The following ZNF517 variants were observed in gnomAD, a reference collection of about 807,000 sequenced individuals.
The protein encoded by ZNF517 is zinc finger protein 517.
In ZNF517, 12 loss-of-function variants were observed where a neutral mutation model predicts 12.1. The ratio of observed to expected loss-of-function variants is 0.99; its 90% CI spans 0.63 to 1.61. ZNF517 has a LOEUF of 1.61. ZNF517 is among the 40% of genes most tolerant of loss of function. ZNF517 has a pLI of 0.00. For synonymous variants in ZNF517, 388 were observed against 310.2 expected, an observed-to-expected ratio of 1.25 and a Z score of -2.63; for missense variants, 781 against 693.2, an observed-to-expected ratio of 1.13 and a Z score of -1.42.
chr8:144,804,271 T>G (rs762253364), intron 4 of ZNF517, 33 bp downstream of exon 4: 12 of 1,571,718 alleles, frequency 7.6e-6, no homozygotes, highest in Non-Finnish European at 1.7e-6. Context: ...GCGTGTCCTG[T>G]GCTGCCAATG....
downstream of ZNF517, among the ~76,000 whole-genome samples, chr8:144,812,937 T>TTCTACATACCTAGCTATTTG (rs1293451556): frequency 6.6e-6 from 1 of 152,026 alleles, no homozygotes; most frequent in Non-Finnish European, 1.5e-5. Flanking sequence ...CCAGTAACAT[T>TTCTACATACCTAGCTATTTG]TCTACATACC....
chr8:144,806,883 G>C (rs1827249093), intron 4 of ZNF517, among the ~76,000 whole-genome samples: 2 of 152,070 alleles, frequency 1.3e-5, no homozygotes, highest in South Asian at 4.1e-4. Context: ...TCATTTCACA[G>C]TGTAGATGTT....
downstream of ZNF517, chr8:144,810,784 G>A (rs185173609): frequency 2.1e-4 from 33 of 154,382 alleles, no homozygotes; most frequent in Middle Eastern, 2.3e-3. Context: ...CTTCCTTTGG[G>A]GATCCAGGGT....
chr8:144,812,667 T>TA (rs1400383204), downstream of ZNF517, among the ~76,000 whole-genome samples: 1 of 152,222 alleles, frequency 6.6e-6, no homozygotes, highest in Non-Finnish European at 1.5e-5. Flanking sequence ...TTCTTCCTGT[T>TA]ACATGGATCT....
At position 144,808,128 on chromosome 8, in the gene ZNF517, C is replaced by T. The variant is rs1563811335; in HGVS notation, c.1212C>T (p.Ala404=). The T allele has an allele frequency of 1.2e-6, 2 of 1,612,186 alleles. No homozygotes were observed. Among genetic ancestry groups the T allele is most frequent in the Non-Finnish European group, 1.7e-6 (2 of 1,179,530 alleles). The part of the protein sequence containing the change: ...KPFECAECGK[A]FGRKSNLTLH... The stretch of plus-strand genomic sequence containing the variant: ...TCGAGTGCGCGGAGTGCGGCAAGGC[C>T]TTCGGTCGCAAGTCCAACCTCACTC... The change falls in exon 5 of 5, where the codon GCC becomes GCT. Residue 404 remains alanine (A), a synonymous_variant. Transcript: ENST00000359971.
rs1208112283 is a variant in ZNF517, at chr8:144,808,603, CTA to C, written c.*210_*211del. On this transcript the variant is annotated 3_prime_UTR_variant, in exon 5 of 5. Coordinates refer to ENST00000359971, the MANE Select transcript of ZNF517 (RefSeq NM_213605.3). ...GCCCGTGGTGTGGCCTCAGGAACCA[CTA>C]TCAGCCACCATTTCCTGGGGCCTTC... The C allele has an allele frequency of 1.7e-6, 1 of 590,344 alleles. No individual in the cohort carries two copies. The highest frequency in any genetic ancestry group is 1.9e-5 in the African/African-American group (1 of 51,608). The allele number at this position is 590,344 out of a possible 1,614,324, so 36.6% of individuals were successfully genotyped here. A position where few individuals can be genotyped will look rare whatever the true frequency, so the allele number is the denominator to read the frequency against.
At position 144,810,031 on chromosome 8, in the gene ZNF517, T is replaced by G. The variant is rs1183474262; in HGVS notation, c.*1636T>G. 5 of 467,572 alleles carry G rather than the reference T, an allele frequency of 1.1e-5. No individual in the cohort carries two copies. The highest frequency in any genetic ancestry group is 1.6e-5 in the Non-Finnish European group (4 of 256,568). The allele number at this position is 467,572 out of a possible 1,614,324, so 29.0% of individuals were successfully genotyped here. On this transcript the variant is annotated 3_prime_UTR_variant, in exon 5 of 5. Coordinates refer to ENST00000359971, the MANE Select transcript of ZNF517 (RefSeq NM_213605.3). The stretch of plus-strand genomic sequence containing the variant: ...TCGAGCCACTGCACTCCAGCCTGGG[T>G]GACAGGGCAAGACTCTGTCTCAAAC...
rs1827387047 is a variant in ZNF517 at position 144,808,238 on chromosome 8, A to G, written c.1322A>G (p.Glu441Gly). 6.2e-7 allele frequency: 1 copy of G among 1,601,714 alleles called. No individual in the cohort carries two copies. The highest frequency in any genetic ancestry group is 2.2e-5 in the East Asian group (1 of 44,594). Residue 441 changes from glutamate (E) to glycine (G), a missense_variant, in exon 5 of 5, where the codon GAG becomes GGG. By Grantham distance (98) the Glu-to-Gly change is moderately conservative. Coordinates refer to ENST00000359971, the MANE Select transcript of ZNF517 (RefSeq NM_213605.3). ...KAFRRSYTLN[E>G]HYRLHSGERP... is the part of the protein sequence containing the mutation. Reference sequence around the variant, plus strand: ...TTCCGCAGGAGCTACACGCTGAACGAGCACTACCGGCTCCACAGCGGCGAG... The same window carrying G: ...TTCCGCAGGAGCTACACGCTGAACGGGCACTACCGGCTCCACAGCGGCGAG...
At chr8:144,800,752 C>T (rs967385994) in intron 1 of ZNF517, 31 of 948,760 alleles carry the variant, frequency 3.3e-5, no homozygotes, top group African/African-American at 1.9e-4. Context: ...CATCGCCCTT[C>T]GTACCCTAAC....
In ZNF517 at chr8:144,808,332, G is replaced by T; in HGVS notation, c.1416G>T (p.Lys472Asn). ...SRLSTLIQHQ[K>N]VHGREPGEDT... ...TGTCCACCCTCATCCAGCACCAGAA[G>T]GTGCACGGCCGCGAGCCCGGGGAGG... is the stretch of plus-strand genomic sequence containing the variant. The change falls in exon 5 of 5, where the codon AAG becomes AAT. Residue 472 changes from lysine (K) to asparagine (N), a missense_variant. Coordinates refer to ENST00000359971, the MANE Select transcript of ZNF517 (RefSeq NM_213605.3). The T allele has an allele frequency of 6.7e-7, 1 of 1,492,496 alleles. No homozygotes were observed. The highest frequency in any genetic ancestry group is 2.4e-5 in the East Asian group (1 of 41,052). 92.5% of individuals were successfully genotyped at this position (1,492,496 alleles called of 1,614,324 possible).
At chr8:144,811,351 A>T (rs940865043), downstream of ZNF517, among the ~76,000 whole-genome samples, 11 of 152,220 alleles carry the variant, frequency 7.2e-5, no homozygotes, top group Non-Finnish European at 1.6e-4. Context: ...TCAGCTTCTG[A>T]ACCTCTACTG....
intron 4 of ZNF517, among the ~76,000 whole-genome samples, 157 bp from the exon 5 acceptor site, chr8:144,807,034 C>T (rs545889071): frequency 1.3e-5 from 2 of 152,354 alleles, no homozygotes; most frequent in Non-Finnish European, 1.5e-5. Flanking sequence ...TCTCCTGCCT[C>T]AGCCTCCTGT....
rs969708198 is a variant in ZNF517 at position 144,807,200 on chromosome 8, T to C, written c.284T>C (p.Met95Thr). 4 of 1,523,220 alleles carry C rather than the reference T, an allele frequency of 2.6e-6. No individual in the cohort carries two copies. The African/African-American group carries it at 4.2e-5, about 16-fold the overall frequency. The allele number at this position is 1,523,220 out of a possible 1,614,324, so 94.4% of individuals were successfully genotyped here. A position where few individuals can be genotyped will look rare whatever the true frequency, so the allele number is the denominator to read the frequency against. Residue 95 changes from methionine to threonine, a missense_variant, in exon 5 of 5, where the codon ATG becomes ACG. Coordinates refer to ENST00000359971, the MANE Select transcript of ZNF517 (RefSeq NM_213605.3). ...CTGTTCCTTCTCTCAGATTCCAGGA[T>C]GGAGGCTGGGATCATGGAGTCTCCT... is the stretch of plus-strand genomic sequence containing the variant. Reference protein sequence around the residue: ...AKASLCTDSRMEAGIMESPLQ... With the variant: ...AKASLCTDSRTEAGIMESPLQ...
intron 2 of ZNF517, 112 bp from the exon 3 acceptor site, chr8:144,803,529 G>A (rs1007846969): frequency 2.1e-6 from 3 of 1,429,664 alleles, no homozygotes; most frequent in Non-Finnish European, 2.9e-6. Flanking sequence ...CCCTGTGGAT[G>A]CAGCAGTGGG....
chr8:144,808,314 C>T lies in ZNF517; in HGVS notation c.1398C>T (p.Thr466=), dbSNP rs774482616. Residue 466 remains threonine, a synonymous_variant, in exon 5 of 5, where the codon ACC becomes ACT. Transcript: ENST00000359971. ...ACGRACSRLS[T]LIQHQKVHGR... ...GGAGGGCCTGCAGCCGGCTGTCCAC[C>T]CTCATCCAGCACCAGAAGGTGCACG... The T allele has an allele frequency of 2.0e-6, 3 of 1,523,748 alleles. No homozygotes were observed. Among genetic ancestry groups the T allele is most frequent in the African/African-American group, 1.4e-5 (1 of 72,546 alleles). 94.4% of individuals were successfully genotyped at this position (1,523,748 alleles called of 1,614,324 possible). A position where few individuals can be genotyped will look rare whatever the true frequency, so the allele number is the denominator to read the frequency against.
intron 1 of ZNF517, among the ~76,000 whole-genome samples, chr8:144,801,377 A>C (rs1412801949): frequency 6.6e-6 from 1 of 152,176 alleles, no homozygotes; most frequent in Non-Finnish European, 1.5e-5. Flanking sequence ...TCTGTCGCCC[A>C]GGCTGGAGTT....
chr8:144,812,674 ATC>A (rs1170111577), downstream of ZNF517, among the ~76,000 whole-genome samples: 1 of 152,184 alleles, frequency 6.6e-6, no homozygotes, highest in Non-Finnish European at 1.5e-5. Context: ...TGTTACATGG[ATC>A]TCTCTACCAT....
rs753797486 is a variant in ZNF517 at position 144,808,092 on chromosome 8, C to T, written c.1176C>T (p.Gly392=). ...LLLLHLRLHT[G]EKPFECAECG... ...TGCTGCACCTGCGCCTACACACGGG[C>T]GAGAAGCCGTTCGAGTGCGCGGAGT... Residue 392 remains glycine, a synonymous_variant, in exon 5 of 5, where the codon GGC becomes GGT. Coordinates refer to ENST00000359971, the MANE Select transcript of ZNF517 (RefSeq NM_213605.3). The T allele has an allele frequency of 4.0e-5, 65 of 1,610,754 alleles. No homozygotes were observed. The highest frequency in any genetic ancestry group is 3.6e-5 in the Non-Finnish European group (42 of 1,179,072).
At chr8:144,802,670 G>C in intron 1 of ZNF517, 200 bp from the exon 2 acceptor site, 2 of 822,934 alleles carry the variant, frequency 2.4e-6, no homozygotes, top group South Asian at 5.5e-5. Context: ...AGCAAGGTGA[G>C]AGCCAGAAAA....
Sources: allele counts gnomAD v4.1 joint callset (sites outside exome capture counted in the v4.1 genomes callset), GRCh38; gene constraint gnomAD v4.1.1; transcripts MANE v1.5; gene names NCBI Gene and HGNC (gene_info 2026-07-23, HGNC 2026-07-21).